The following ABCC1 variants were observed in gnomAD, a reference collection of about 807,000 sequenced individuals.
ABCC1 encodes the protein multidrug resistance-associated protein 1.
ABCC1 carries 83 observed loss-of-function variants against 172.9 expected under a neutral mutation model. The ratio of observed to expected loss-of-function variants is 0.48; its 90% CI spans 0.40 to 0.58. ABCC1 has a LOEUF of 0.58. Among genes scored for constraint, ABCC1 ranks in the 20% least tolerant of loss-of-function variants. The probability of loss-of-function intolerance (pLI) is 0.00; values close to 1 mark genes in which losing one functional copy is unlikely to be tolerated. For synonymous variants in ABCC1, 937 were observed against 825.2 expected (o/e 1.14, Z -2.32); for missense variants, 1,817 against 2,002.7 (o/e 0.91, Z 1.77).
At chr16:16,126,034 T>G (rs2045418923) in intron 26 of ABCC1, 123 bp downstream of exon 26, 1 of 607,122 alleles carries the variant, frequency 1.6e-6, no homozygotes, top group Non-Finnish European at 2.8e-6. Context: ...TAGAAGTGCA[T>G]CTTAACGCTT....
At chr16:16,026,465 CTTTT>C (rs1157942197) in intron 5 of ABCC1, among the ~76,000 whole-genome samples, 2 of 95,500 alleles carry the variant, frequency 2.1e-5, no homozygotes, top group African/African-American at 4.1e-5. Context: ...AGGCTATTTC[CTTTT>C]TTTTTTTTTT....
At chr16:15,955,814 T>C (rs550391190) in intron 1 of ABCC1, among the ~76,000 whole-genome samples, 1 of 152,236 alleles carries the variant, frequency 6.6e-6, no homozygotes, top group East Asian at 1.9e-4. Flanking sequence ...TACCAAAAGA[T>C]CGGCTCCATA....
chr16:16,100,758 G>A (rs1036483605), intron 19 of ABCC1, among the ~76,000 whole-genome samples: 10 of 152,188 alleles, frequency 6.6e-5, no homozygotes, highest in African/African-American at 2.2e-4. Flanking sequence ...CAGGCACTGC[G>A]TGCAGTCTCG....
intron 1 of ABCC1, among the ~76,000 whole-genome samples, chr16:15,972,912 C>T (rs889524295): frequency 6.6e-6 from 1 of 150,666 alleles, no homozygotes; most frequent in African/African-American, 2.4e-5. Context: ...TATCCTCCCA[C>T]CTTAGCCTCC....
intron 21 of ABCC1, among the ~76,000 whole-genome samples, chr16:16,110,451 G>A (rs2052337994): frequency 6.6e-6 from 1 of 152,034 alleles, no homozygotes; most frequent in South Asian, 2.1e-4. Flanking sequence ...GTGCAGTGGC[G>A]CATTCTCGGC....
At chr16:16,020,775 T>C (rs148671267) in intron 5 of ABCC1, among the ~76,000 whole-genome samples, 1 of 152,344 alleles carries the variant, frequency 6.6e-6, no homozygotes, top group Non-Finnish European at 1.5e-5. Flanking sequence ...GCTTGCGGTG[T>C]ACTGGCTAGC....
At chr16:16,034,056 T>C (rs1022438262) in intron 6 of ABCC1, among the ~76,000 whole-genome samples, 19 of 93,442 alleles carry the variant, frequency 2.0e-4, no homozygotes, top group African/African-American at 6.9e-4. Context: ...GAGACAGGCT[T>C]TCGCTCTGTC....
chr16:16,042,286 G>A (rs943139943), intron 7 of ABCC1, among the ~76,000 whole-genome samples: 2 of 151,802 alleles, frequency 1.3e-5, no homozygotes, highest in African/African-American at 4.8e-5. Context: ...GGCTGGTACA[G>A]GAATGTTCTT....
intron 24 of ABCC1, among the ~76,000 whole-genome samples, chr16:16,122,798 C>T (rs1405073274): frequency 2.6e-5 from 4 of 151,144 alleles, no homozygotes; most frequent in Admixed American, 1.3e-4. Context: ...GCTGGAGGAT[C>T]GTTTCAGCCC....
intron 21 of ABCC1, among the ~76,000 whole-genome samples, chr16:16,108,954 C>T (rs1340204388): frequency 6.6e-6 from 1 of 151,940 alleles, no homozygotes; most frequent in Non-Finnish European, 1.5e-5. Flanking sequence ...AAAGAGGTTC[C>T]TGAACGCTGC....
At chr16:16,088,124 CGT>C (rs60633005) in intron 18 of ABCC1, among the ~76,000 whole-genome samples, 9,318 of 126,610 alleles carry the variant, frequency 0.074, 409 homozygotes, top group African/African-American at 0.13. Flanking sequence ...TGTGTGTATG[CGT>C]GTGTGTGTGT....
rs1468613527 is a variant in ABCC1, at chr16:16,043,238, TTTTTTC to T, written c.810-1211_810-1206del. Among the ~76,000 whole-genome samples, 41 of 141,918 alleles carry T rather than the reference TTTTTTC, an allele frequency of 2.9e-4. 1 individual carries two copies. Among genetic ancestry groups the T allele is most frequent in the Admixed American group, 8.6e-4 (12 of 13,878 alleles). 93.1% of individuals were successfully genotyped at this position (141,918 alleles called of 152,430 possible). On this transcript the variant is annotated intron_variant, in intron 7 of 30. Coordinates refer to ENST00000399410, the MANE Select transcript of ABCC1 (RefSeq NM_004996.4). ...GGCTGGACTGTTTTTTTTTTTTTTT[TTTTTTC>T]CACTGATGTATATATGCCTATCCCT...
intron 8 of ABCC1, 116 bp from the exon 9 acceptor site, chr16:16,045,720 G>A: frequency 9.8e-7 from 1 of 1,015,596 alleles, no homozygotes; most frequent in Admixed American, 2.4e-5. Context: ...TGAAATTGAA[G>A]TGATAGTGTC....
chr16:16,139,211 C>T (rs368646807), intron 30 of ABCC1, among the ~76,000 whole-genome samples: 2 of 152,316 alleles, frequency 1.3e-5, no homozygotes, highest in African/African-American at 4.8e-5. Context: ...CTGGGAAGGA[C>T]GCTTGCCAAG....
chr16:15,977,446 G>A (rs1031342325), intron 1 of ABCC1, among the ~76,000 whole-genome samples: 3 of 151,906 alleles, frequency 2.0e-5, no homozygotes, highest in African/African-American at 7.3e-5. Flanking sequence ...CTGTGTTGCC[G>A]TCTGTTCTGG....
chr16:16,083,654 G>T, intron 17 of ABCC1, 112 bp downstream of exon 17: 1 of 1,396,792 alleles, frequency 7.2e-7, no homozygotes, highest in Non-Finnish European at 9.8e-7. Flanking sequence ...ACCCGGCAGG[G>T]CTCAGCTGGG....
At chr16:16,094,871 G>A (rs1224873791) in intron 19 of ABCC1, among the ~76,000 whole-genome samples, 5 of 141,182 alleles carry the variant, frequency 3.5e-5, no homozygotes, top group African/African-American at 5.4e-5. Flanking sequence ...AGGCTGGAGT[G>A]TAGTGGCACG....
At chr16:16,031,136 A>G (rs1348225901) in intron 5 of ABCC1, among the ~76,000 whole-genome samples, 1 of 152,206 alleles carries the variant, frequency 6.6e-6, no homozygotes, top group Non-Finnish European at 1.5e-5. Flanking sequence ...GGCATGAGCC[A>G]CCACACCCAG....
intron 17 of ABCC1, among the ~76,000 whole-genome samples, chr16:16,086,453 T>C (rs758562928): frequency 1.3e-5 from 2 of 152,002 alleles, no homozygotes; most frequent in Non-Finnish European, 2.9e-5. Flanking sequence ...CTCTATGCCT[T>C]TCTTTCTTTC....
Sources: gnomAD v4.1 joint callset for allele counts (sites outside exome capture counted in the v4.1 genomes callset) on GRCh38, gnomAD v4.1.1 for gene constraint, MANE v1.5 for transcripts, NCBI Gene and HGNC (gene_info 2026-07-23, HGNC 2026-07-21) for gene names.